GSG1L: variants seen among roughly 807,000 people sequenced by gnomAD.
GSG1L encodes the protein germ cell-specific gene 1-like protein.
A neutral mutation model predicts 42.1 loss-of-function variants in GSG1L; 24 were observed. The ratio of observed to expected loss-of-function variants is 0.57; its 90% confidence interval spans 0.41 to 0.80. The LOEUF (loss-of-function observed/expected upper bound fraction) is 0.80, where lower values mean the gene tolerates loss of function less well. GSG1L is among the 30% of genes least tolerant of loss of function. The pLI is 0.00. For missense variants in GSG1L, 445 were observed against 472.2 expected, an observed-to-expected ratio of 0.94 and a Z score of 0.53; for synonymous variants, 215 against 203.5, an observed-to-expected ratio of 1.06 and a Z score of -0.48.
At chr16:27,877,798 G>A (rs1297065270) in intron 3 of GSG1L, among the ~76,000 whole-genome samples, 1 of 152,080 alleles carries the variant, frequency 6.6e-6, no homozygotes, top group Non-Finnish European at 1.5e-5. Context: ...CTGGACCTTG[G>A]GGCAAGATCT....
Position 27,970,487 on chromosome 16 carries a change from G to A in GSG1L, c.350-7284C>T, listed in dbSNP as rs191457114. ...CTTGGGAGGCTGAGGCAGGAGAATC[G>A]CTTGAACCCAGGAGGCAGAGGTTGC... On this transcript the variant is annotated intron_variant, in intron 1 of 6. Transcript: ENST00000447459. 1.6e-4 allele frequency among the ~76,000 whole-genome samples: 24 copies of A among 151,798 alleles called. No homozygotes were observed. In the East Asian group the frequency reaches 1.8e-3, roughly 11 times the overall value.
At chr16:27,913,790 C>A (rs1014750035) in intron 2 of GSG1L, among the ~76,000 whole-genome samples, 1 of 151,922 alleles carries the variant, frequency 6.6e-6, no homozygotes, top group Non-Finnish European at 1.5e-5. Context: ...AAGTCTGCTG[C>A]CCCAGGGCTA....
At chr16:27,841,983 A>G (rs1016853794) in intron 4 of GSG1L, among the ~76,000 whole-genome samples, 2 of 152,222 alleles carry the variant, frequency 1.3e-5, no homozygotes, top group Admixed American at 1.3e-4. Context: ...GCATCTGCAT[A>G]TGCAACACGA....
chr16:27,855,620 T>C (rs2083567842), intron 3 of GSG1L, among the ~76,000 whole-genome samples: 1 of 149,740 alleles, frequency 6.7e-6, no homozygotes, highest in Non-Finnish European at 1.5e-5. Context: ...CTCGGGAACC[T>C]GAGGCAGGAG....
rs2082952951 is a variant in GSG1L at position 27,805,703 on chromosome 16, C to G, written c.898+1784G>C. On this transcript the variant is annotated intron_variant, in intron 6 of 6. Coordinates refer to ENST00000447459, the MANE Select transcript of GSG1L (RefSeq NM_001109763.2). ...ACTGGGATTGGGGGTGGGGGGAGGG[C>G]TGTGGGCACTGGGATTGGGGTGGGG... is the stretch of plus-strand genomic sequence containing the variant. 5.1e-3 allele frequency among the ~76,000 whole-genome samples: 4 copies of G among 790 alleles called. 2 individuals carry two copies. The highest frequency in any genetic ancestry group is 9.4e-3 in the Non-Finnish European group (4 of 426). 0.5% of individuals were successfully genotyped at this position (790 alleles called of 152,430 possible).
Position 28,063,710 on chromosome 16 carries a change from C to T in GSG1L, c.-286G>A, listed in dbSNP as rs1167944175. On this transcript the variant is annotated 5_prime_UTR_variant, in exon 1 of 7. Transcript: ENST00000447459. The surrounding 1 kb of genome is among the most constrained non-coding windows in gnomAD (Gnocchi z 5.8). ...GTGCACCTCGGCTAGGAGCCGCTGG[C>T]GCCTGGCAGCGGCCACGGCGCAGGG... 5.3e-5 allele frequency among the ~76,000 whole-genome samples: 8 copies of T among 150,458 alleles called. No homozygotes were observed. The highest frequency in any genetic ancestry group is 1.0e-4 in the Non-Finnish European group (7 of 67,446).
intron 6 of GSG1L, among the ~76,000 whole-genome samples, chr16:27,798,264 C>T (rs75874180): frequency 0.011 from 1,745 of 152,212 alleles, 36 homozygotes; most frequent in African/African-American, 0.04. Context: ...GAGTGAAAGG[C>T]AGAGACGAAC....
chr16:28,016,417 G>A (rs1422642527), intron 1 of GSG1L, among the ~76,000 whole-genome samples: 1 of 152,166 alleles, frequency 6.6e-6, no homozygotes, highest in African/African-American at 2.4e-5. Flanking sequence ...GTGTGGCTGG[G>A]TACAAATGCC....
chr16:27,793,265 TGGG>T, intron 6 of GSG1L, among the ~76,000 whole-genome samples: 1 of 152,134 alleles, frequency 6.6e-6, no homozygotes, highest in Middle Eastern at 3.4e-3. Context: ...ATAGCTGGGG[TGGG>T]GGGTAATATT....
At position 27,927,528 on chromosome 16, in the gene GSG1L, G is replaced by A. The variant is rs1178494314; in HGVS notation, c.397+35628C>T. On this transcript the variant is annotated intron_variant, in intron 2 of 6. Transcript: ENST00000447459. ...TCCCAAGTCTCCACACTCACCCACTGTGCTCCAGCCACACAAGCCCTCCCT... is the reference window on the plus strand; with the variant it reads ...TCCCAAGTCTCCACACTCACCCACTATGCTCCAGCCACACAAGCCCTCCCT... Among the ~76,000 whole-genome samples, 6 of 152,042 alleles carry A rather than the reference G, an allele frequency of 3.9e-5. 1 individual carries two copies. Among genetic ancestry groups the A allele is most frequent in the Non-Finnish European group, 8.8e-5 (6 of 68,008 alleles).
At chr16:27,963,134 G>T (rs531842344) in intron 2 of GSG1L, 22 bp downstream of exon 2, 2 of 1,606,828 alleles carry the variant, frequency 1.2e-6, no homozygotes, top group East Asian at 4.5e-5. Flanking sequence ...AGCTGCCACA[G>T]CTCAGCTGGG....
rs148940287 is a variant in GSG1L, at chr16:27,929,516, GA to G, written c.397+33639del. ...CTAAGTACGGACATCCTCCCTTCTG[GA>G]GAGAATCTGCCTGCGAATAAAGCCG... On this transcript the variant is annotated intron_variant, in intron 2 of 6. Transcript: ENST00000447459. Among the ~76,000 whole-genome samples, 1,425 of 152,288 alleles carry G rather than the reference GA, an allele frequency of 9.4e-3. 23 individuals carry two copies. The highest frequency in any genetic ancestry group is 0.033 in the African/African-American group (1,378 of 41,552).
chr16:27,812,133 T>C (rs2083038133), intron 5 of GSG1L, among the ~76,000 whole-genome samples: 1 of 152,194 alleles, frequency 6.6e-6, no homozygotes, highest in South Asian at 2.1e-4. Flanking sequence ...CAAGCCTTGT[T>C]GCCCAGAGAC....
At chr16:27,901,120 G>A (rs2084252067) in intron 2 of GSG1L, among the ~76,000 whole-genome samples, 3 of 152,152 alleles carry the variant, frequency 2.0e-5, no homozygotes, top group Admixed American at 6.5e-5. Context: ...AGAGCGAGAC[G>A]CTGTCTCAAA....
At chr16:27,842,781 T>A (rs1311519531) in intron 4 of GSG1L, among the ~76,000 whole-genome samples, 1 of 152,054 alleles carries the variant, frequency 6.6e-6, no homozygotes, top group Admixed American at 6.6e-5. Context: ...ACTGAACTGG[T>A]ATGGGGTCTT....
At chr16:27,956,914 A>C (rs901479176) in intron 2 of GSG1L, among the ~76,000 whole-genome samples, 5 of 152,212 alleles carry the variant, frequency 3.3e-5, no homozygotes, top group African/African-American at 1.2e-4. Context: ...CCAGGTTTTA[A>C]GATTATCCTG....
At chr16:27,929,278 C>A (rs1004573813) in intron 2 of GSG1L, among the ~76,000 whole-genome samples, 1 of 152,170 alleles carries the variant, frequency 6.6e-6, no homozygotes, top group African/African-American at 2.4e-5. Flanking sequence ...CTATGCCTCC[C>A]CAACCCTCGG....
chr16:27,943,398 G>GA (rs1384998418), intron 2 of GSG1L, among the ~76,000 whole-genome samples: 1 of 151,688 alleles, frequency 6.6e-6, no homozygotes, highest in African/African-American at 2.4e-5. Flanking sequence ...ACATAACAAT[G>GA]AAAAGAAATA....
chr16:27,953,116 A>G (rs182633931), intron 2 of GSG1L, among the ~76,000 whole-genome samples: 7 of 152,314 alleles, frequency 4.6e-5, no homozygotes, highest in South Asian at 2.1e-4. Flanking sequence ...TTTTAGAAAC[A>G]GAGTCTCACT....
Sources: allele counts gnomAD v4.1 joint callset (sites outside exome capture counted in the v4.1 genomes callset), GRCh38; gene constraint gnomAD v4.1.1; non-coding constraint Gnocchi (gnomAD v3.1); transcripts MANE v1.5; gene names NCBI Gene and HGNC (gene_info 2026-07-23, HGNC 2026-07-21).